The following PSMA7 variants were observed in gnomAD, a reference collection of about 807,000 sequenced individuals.
PSMA7 encodes the protein proteasome 20S subunit alpha 7.
A neutral mutation model predicts 31.3 loss-of-function variants in PSMA7; 5 were observed. The ratio of observed to expected loss-of-function variants is 0.16; its 90% CI spans 0.08 to 0.34. The LOEUF (loss-of-function observed/expected upper bound fraction) is 0.34, where lower values mean the gene tolerates loss of function less well. PSMA7 is among the 10% of genes least tolerant of loss of function. PSMA7 has a pLI of 1.00. For missense variants in PSMA7, 217 were observed against 327.5 expected, an observed-to-expected ratio of 0.66 and a Z score of 2.60; for synonymous variants, 155 against 121.9, an observed-to-expected ratio of 1.27 and a Z score of -1.79.
intron 6 of PSMA7, 55 bp downstream of exon 6, chr20:62,137,309 C>T: frequency 6.4e-7 from 1 of 1,560,612 alleles, no homozygotes. Flanking sequence ...ACTGCTCAGC[C>T]CTGATCATGG....
At position 62,137,396 on chromosome 20, in the gene PSMA7, G is replaced by C; in HGVS notation, c.622C>G (p.Leu208Val). Residue 208 changes from leucine (L) to valine (V), a missense_variant, in exon 6 of 7, where the codon CTT becomes GTT. Transcript: ENST00000370873. ...GATTGATCTCGCCTCATGACAGCAAGTTCAATGTTTTTGCCACCTGACTGA... is the reference window on the plus strand; with the variant it reads ...GATTGATCTCGCCTCATGACAGCAACTTCAATGTTTTTGCCACCTGACTGA... ...VVQSGGKNIE[L>V]AVMRRDQSLK... is the part of the protein sequence containing the mutation. The C allele has an allele frequency of 6.2e-7, 1 of 1,614,138 alleles. No homozygotes were observed. The highest frequency in any genetic ancestry group is 8.5e-7 in the Non-Finnish European group (1 of 1,180,014).
At chr20:62,137,607 G>C in intron 5 of PSMA7, 181 bp from the exon 6 acceptor site, 1 of 642,808 alleles carries the variant, frequency 1.6e-6, no homozygotes, top group Non-Finnish European at 2.8e-6. Flanking sequence ...GTCTGTTTGG[G>C]ATGCCTGCAC....
At position 62,139,130 on chromosome 20, in the gene PSMA7, T is replaced by C. The variant is rs747032954; in HGVS notation, c.416A>G (p.Asp139Gly). The change falls in exon 4 of 7, where the codon GAT (aspartate) becomes GGT (glycine). Residue 139 changes from aspartate (D) to glycine (G), a missense_variant. Physicochemically the swap from Asp to Gly is moderately conservative, Grantham distance 94. Transcript: ENST00000370873. ...AGTCTGATAGAGCCTAGGAGTGCCATCAAAGTCGAAACCCACGATGAGGGC... is the reference window on the plus strand; with the variant it reads ...AGTCTGATAGAGCCTAGGAGTGCCACCAAAGTCGAAACCCACGATGAGGGC... ...ISALIVGFDFDGTPRLYQTDP... is the reference protein window; with the variant it reads ...ISALIVGFDFGGTPRLYQTDP... The C allele has an allele frequency of 3.1e-6, 5 of 1,614,038 alleles. No individual in the cohort carries two copies. In the African/African-American group the frequency reaches 6.7e-5, roughly 22 times the overall value.
intron 1 of PSMA7, among the ~76,000 whole-genome samples, chr20:62,142,869 G>C (rs1200775548): frequency 6.6e-6 from 1 of 151,200 alleles, no homozygotes; most frequent in Admixed American, 6.6e-5. Flanking sequence ...TCTGCTCGCC[G>C]GGGCGGCGGC....
At position 62,140,926 on chromosome 20, in the gene PSMA7, C is replaced by G; in HGVS notation, c.115G>C (p.Asp39His). The G allele has an allele frequency of 6.2e-7, 1 of 1,614,216 alleles. No homozygotes were observed. The highest frequency in any genetic ancestry group is 1.3e-5 in the African/African-American group (1 of 75,060). Reference protein sequence around the residue: ...GSTAVGVRGRDIVVLGVEKKS... With the variant: ...GSTAVGVRGRHIVVLGVEKKS... ...TTCTCCACACCAAGAACAACAATGTCTCTTCCTCGAACACCAACCTTTAAT... is the reference window on the plus strand; with the variant it reads ...TTCTCCACACCAAGAACAACAATGTGTCTTCCTCGAACACCAACCTTTAAT... Residue 39 changes from aspartate to histidine, a missense_variant, in exon 2 of 7, where the codon GAC (aspartate) becomes CAC (histidine). By Grantham distance (81) the Asp-to-His change is moderately conservative. This residue lies in a region of PSMA7 where 76 missense variants were observed against 96.5 expected (regional missense o/e 0.79). Coordinates refer to ENST00000370873, the MANE Select transcript of PSMA7 (RefSeq NM_002792.4).
intron 1 of PSMA7, among the ~76,000 whole-genome samples, chr20:62,141,607 G>A (rs1395385337): frequency 6.6e-6 from 1 of 152,200 alleles, no homozygotes; most frequent in Admixed American, 6.5e-5. Context: ...CAATGAATCA[G>A]TCCCATGCAA....
At chr20:62,141,847 C>T (rs1216415489) in intron 1 of PSMA7, among the ~76,000 whole-genome samples, 1 of 152,216 alleles carries the variant, frequency 6.6e-6, no homozygotes, top group Non-Finnish European at 1.5e-5. Flanking sequence ...AAAGCATGAA[C>T]AATCACTGAC....
intron 1 of PSMA7, 32 bp downstream of exon 1, chr20:62,143,176 T>C: frequency 1.5e-6 from 2 of 1,321,842 alleles, no homozygotes; most frequent in East Asian, 4.3e-5. Context: ...TCCGCCCGCG[T>C]CCCCGGCCCC....
intron 3 of PSMA7, 29 bp downstream of exon 3, chr20:62,139,752 G>A (rs772539747): frequency 1.9e-6 from 3 of 1,613,728 alleles, no homozygotes; most frequent in South Asian, 1.1e-5. Context: ...TGCTGCCAGA[G>A]GTGAGCATGC....
At position 62,140,995 on chromosome 20, in the gene PSMA7, G is replaced by A. The variant is rs1445070284; in HGVS notation, c.97-51C>T. On this transcript the variant is annotated intron_variant, in intron 1 of 6. Transcript: ENST00000370873. Reference sequence around the variant, plus strand: ...TAAGAAAGTGATATGAGTGCTGGGTGCAGTGGCTCATGCCTGTTAATTCCA... The same window carrying A: ...TAAGAAAGTGATATGAGTGCTGGGTACAGTGGCTCATGCCTGTTAATTCCA... 3.7e-6 allele frequency: 6 copies of A among 1,606,312 alleles called. No individual in the cohort carries two copies. The East Asian group carries it at 1.1e-4, about 30-fold the overall frequency.
intron 1 of PSMA7, among the ~76,000 whole-genome samples, chr20:62,141,808 G>C (rs1345812540): frequency 6.6e-6 from 1 of 152,254 alleles, no homozygotes; most frequent in Non-Finnish European, 1.5e-5. Context: ...GTTTATGGCT[G>C]ATGCTGGAGA....
At chr20:62,140,982 A>G in intron 1 of PSMA7, 38 bp from the exon 2 acceptor site, 1 of 1,611,942 alleles carries the variant, frequency 6.2e-7, no homozygotes. Flanking sequence ...AGAAAGTGAT[A>G]TGAGTGCTGG....
At chr20:62,140,232 G>A (rs920642988) in intron 2 of PSMA7, among the ~76,000 whole-genome samples, 1 of 152,188 alleles carries the variant, frequency 6.6e-6, no homozygotes, top group African/African-American at 2.4e-5. Flanking sequence ...TAAAAACACA[G>A]ATCAACAGGG....
chr20:62,140,084 A>G (rs2056918522), intron 2 of PSMA7, among the ~76,000 whole-genome samples, 179 bp from the exon 3 acceptor site: 1 of 152,182 alleles, frequency 6.6e-6, no homozygotes, highest in Non-Finnish European at 1.5e-5. Flanking sequence ...TTGGGTACAG[A>G]TGCTTCTTGA....
chr20:62,143,170 C>T (rs1328831542), intron 1 of PSMA7, 38 bp downstream of exon 1: 1 of 1,312,534 alleles, frequency 7.6e-7, no homozygotes, highest in Admixed American at 2.8e-5. Context: ...CCCACTTCCG[C>T]CCGCGTCCCC....
intron 1 of PSMA7, chr20:62,142,575 AAACCAGTCCTGACCC>A (rs2056939725): frequency 6.6e-6 from 1 of 152,264 alleles, no homozygotes; most frequent in South Asian, 2.1e-4. Context: ...GGCCGCGTCC[AAACCAGTCCTGACCC>A]GGGCGGCTGC....
chr20:62,139,909 C>CA lies in PSMA7; in HGVS notation c.224-5dup. ...ATCCTTGCATCGGCGGTGAGGCCTG[C>CA]AAGGAAAGCAGAGAGGCTTCTGCTA... On this transcript the variant is annotated splice_region_variant and splice_polypyrimidine_tract_variant and intron_variant, in intron 2 of 6. Coordinates refer to ENST00000370873, the MANE Select transcript of PSMA7 (RefSeq NM_002792.4). 6.2e-7 allele frequency: 1 copy of CA among 1,612,802 alleles called. No individual in the cohort carries two copies. Among genetic ancestry groups the CA allele is most frequent in the South Asian group, 1.1e-5 (1 of 91,042 alleles).
intron 3 of PSMA7, chr20:62,139,466 G>T: frequency 1.6e-6 from 1 of 638,650 alleles, no homozygotes; most frequent in Non-Finnish European, 2.7e-6. Context: ...ACATACTAAT[G>T]GCGTGTCCTC....
chr20:62,139,303 C>CT, intron 3 of PSMA7, 106 bp from the exon 4 acceptor site: 1 of 1,364,908 alleles, frequency 7.3e-7, no homozygotes, highest in South Asian at 1.4e-5. Context: ...GCCTGAGCCC[C>CT]TTCTCAGGTT....
Sources: allele counts gnomAD v4.1 joint callset (sites outside exome capture counted in the v4.1 genomes callset), GRCh38; gene constraint gnomAD v4.1.1; regional missense constraint gnomAD v4.1.1; transcripts MANE v1.5; gene names NCBI Gene and HGNC (gene_info 2026-07-23, HGNC 2026-07-21).